MINPP1: variants seen among roughly 807,000 people sequenced by gnomAD.
The protein encoded by MINPP1 is multiple inositol polyphosphate phosphatase 1.
Under a neutral mutation model 46.1 loss-of-function variants are expected in MINPP1, and 28 were observed. That is an observed-to-expected ratio of 0.61 (90% CI 0.45 to 0.83). The LOEUF (loss-of-function observed/expected upper bound fraction) is 0.83, where lower values mean the gene tolerates loss of function less well. MINPP1 is among the 40% of genes least tolerant of loss of function. The pLI, the probability that MINPP1 is intolerant of heterozygous loss-of-function variation, is 0.00. For synonymous variants in MINPP1, 268 were observed against 249.1 expected (o/e 1.08, Z -0.72); for missense variants, 603 against 610.0 (o/e 0.99, Z 0.12).
At chr10:87,540,414 C>T (rs1052881553) in intron 4 of MINPP1, among the ~76,000 whole-genome samples, 4 of 151,956 alleles carry the variant, frequency 2.6e-5, no homozygotes, top group Non-Finnish European at 5.9e-5. Context: ...CCTCCTATAC[C>T]TACATGCCTA....
At chr10:87,522,520 T>A (rs972564286) in intron 4 of MINPP1, among the ~76,000 whole-genome samples, 1 of 152,218 alleles carries the variant, frequency 6.6e-6, no homozygotes, top group Admixed American at 6.5e-5. Flanking sequence ...GGTTTCCCGG[T>A]GCATATAAAA....
At chr10:87,538,108 A>ATT (rs35833684) in intron 4 of MINPP1, among the ~76,000 whole-genome samples, 136 of 142,866 alleles carry the variant, frequency 9.5e-4, no homozygotes, top group Middle Eastern at 3.5e-3. Flanking sequence ...AGCTCTGCTA[A>ATT]TTTTTTTTTT....
intron 4 of MINPP1, among the ~76,000 whole-genome samples, chr10:87,529,872 G>T (rs1019016332): frequency 1.3e-5 from 2 of 152,132 alleles, no homozygotes; most frequent in Admixed American, 1.3e-4. Flanking sequence ...TTTTCACATA[G>T]TCCCATATTT....
intron 4 of MINPP1, among the ~76,000 whole-genome samples, chr10:87,545,862 T>C (rs368622200): frequency 6.6e-6 from 1 of 152,250 alleles, no homozygotes; most frequent in East Asian, 1.9e-4. Flanking sequence ...TATTGACATA[T>C]TCTCTTTCTT....
intron 2 of MINPP1, among the ~76,000 whole-genome samples, chr10:87,511,709 T>C (rs1172399317): frequency 1.3e-5 from 2 of 152,170 alleles, no homozygotes; most frequent in African/African-American, 2.4e-5. Flanking sequence ...TGAAGAGTTT[T>C]TTGGTGAATT....
At chr10:87,509,382 G>C (rs1417973626) in intron 2 of MINPP1, among the ~76,000 whole-genome samples, 2 of 152,196 alleles carry the variant, frequency 1.3e-5, no homozygotes, top group Non-Finnish European at 2.9e-5. Flanking sequence ...GCCTAGACTA[G>C]CATTTGAAAT....
intron 4 of MINPP1, among the ~76,000 whole-genome samples, chr10:87,548,711 A>G (rs1332264289): frequency 1.3e-5 from 2 of 152,090 alleles, no homozygotes; most frequent in African/African-American, 2.4e-5. Context: ...GCACATTTCA[A>G]TTTCTAAGCA....
intron 4 of MINPP1, among the ~76,000 whole-genome samples, chr10:87,529,347 C>G (rs61654909): frequency 3.9e-5 from 6 of 152,144 alleles, no homozygotes; most frequent in African/African-American, 1.4e-4. Context: ...TGGCTGGTAC[C>G]GGTTGTTCCT....
chr10:87,512,483 C>T (rs1172628917), intron 2 of MINPP1, among the ~76,000 whole-genome samples: 1 of 152,086 alleles, frequency 6.6e-6, no homozygotes, highest in Non-Finnish European at 1.5e-5. Flanking sequence ...AGTCTTCTCT[C>T]TCCTTTTATA....
At position 87,513,086 on chromosome 10, in the gene MINPP1, A is replaced by G. The variant is rs1409599312; in HGVS notation, c.836-38A>G. 7.3e-6 allele frequency: 11 copies of G among 1,507,034 alleles called. No homozygotes were observed. In the Admixed American group the frequency reaches 1.0e-4, roughly 14 times the overall value. 93.4% of individuals were successfully genotyped at this position (1,507,034 alleles called of 1,614,324 possible). Reference sequence around the variant, plus strand: ...TTTAGCCTTTGAAAAATTGCAGAAAATAATGACCCACAAAATTTTACCTTT... The same window carrying G: ...TTTAGCCTTTGAAAAATTGCAGAAAGTAATGACCCACAAAATTTTACCTTT... On this transcript the variant is annotated intron_variant, in intron 2 of 4. Coordinates refer to ENST00000371996, the MANE Select transcript of MINPP1 (RefSeq NM_004897.5).
At chr10:87,520,451 C>T (rs1851484042) in intron 3 of MINPP1, among the ~76,000 whole-genome samples, 1 of 152,010 alleles carries the variant, frequency 6.6e-6, no homozygotes, top group Non-Finnish European at 1.5e-5. Flanking sequence ...ATATACATTC[C>T]TTCCAACAGT....
chr10:87,505,165 G>A lies in MINPP1; in HGVS notation c.250G>A (p.Val84Ile), dbSNP rs1851221972. ...LEGTCTPVQL[V>I]ALIRHGTRYP... ...GGGGACCTGCACCCCGGTGCAGCTG[G>A]TCGCCCTCATTCGCCACGGCACCCG... The change falls in exon 1 of 5, where the codon GTC becomes ATC. Residue 84 changes from valine (V) to isoleucine (I), a missense_variant. This residue lies in a region of MINPP1 where 239 missense variants were observed against 189.4 expected (regional missense o/e 1.26). Coordinates refer to ENST00000371996, the MANE Select transcript of MINPP1 (RefSeq NM_004897.5). This position sits in a 1 kb window ranked among gnomAD's most constrained non-coding sequence, Gnocchi z 4.4. The A allele has an allele frequency of 6.2e-7, 1 of 1,610,080 alleles. No individual in the cohort carries two copies. Among genetic ancestry groups the A allele is most frequent in the South Asian group, 1.1e-5 (1 of 90,564 alleles).
Position 87,530,230 on chromosome 10 carries a change from G to A in MINPP1, c.1067+9061G>A, listed in dbSNP as rs147896214. 9.8e-3 allele frequency among the ~76,000 whole-genome samples: 1,485 copies of A among 152,204 alleles called. 20 individuals carry two copies. Among genetic ancestry groups the A allele is most frequent in the Non-Finnish European group, 0.012 (809 of 68,000 alleles). ...TCTCAACTCGTCAAAGTCATTCTCC[G>A]TCCAGCTTTGTTCCATTGCTGGTGA... is the stretch of plus-strand genomic sequence containing the variant. On this transcript the variant is annotated intron_variant, in intron 4 of 4. Transcript: ENST00000371996.
Position 87,552,064 on chromosome 10 carries a change from C to T in MINPP1, c.1068-18C>T. 5.6e-6 allele frequency: 9 copies of T among 1,597,104 alleles called. No homozygotes were observed. In the East Asian group the frequency reaches 6.7e-5, roughly 12 times the overall value. On this transcript the variant is annotated intron_variant, in intron 4 of 4. Transcript: ENST00000371996. Reference sequence around the variant, plus strand: ...CATTAATATATATACCTTATTTTCTCTTAATTTCTATTTGAAGGTCTCAGC... The same window carrying T: ...CATTAATATATATACCTTATTTTCTTTTAATTTCTATTTGAAGGTCTCAGC...
At chr10:87,550,529 CTT>C (rs1328224942) in intron 4 of MINPP1, among the ~76,000 whole-genome samples, 2 of 152,134 alleles carry the variant, frequency 1.3e-5, no homozygotes, top group Non-Finnish European at 2.9e-5. Flanking sequence ...CTAGCGTACT[CTT>C]ATATATGGAA....
chr10:87,547,636 T>C (rs906401150), intron 4 of MINPP1, among the ~76,000 whole-genome samples: 4 of 152,238 alleles, frequency 2.6e-5, no homozygotes, highest in South Asian at 2.1e-4. Context: ...TTTTAACATA[T>C]GCTATTCAAT....
chr10:87,549,637 C>A (rs1851934950), intron 4 of MINPP1, among the ~76,000 whole-genome samples: 1 of 152,206 alleles, frequency 6.6e-6, no homozygotes, highest in South Asian at 2.1e-4. Flanking sequence ...ATCGTCATAT[C>A]TTGTCCCCAG....
intron 4 of MINPP1, among the ~76,000 whole-genome samples, chr10:87,522,827 C>A (rs1469026602): frequency 6.6e-6 from 1 of 152,198 alleles, no homozygotes; most frequent in African/African-American, 2.4e-5. Context: ...CTCTGTAACA[C>A]ATGATGCCGT....
At chr10:87,526,573 G>T (rs556283824) in intron 4 of MINPP1, among the ~76,000 whole-genome samples, 8 of 152,246 alleles carry the variant, frequency 5.3e-5, no homozygotes, top group East Asian at 1.9e-4. Context: ...GTCAATTTTG[G>T]CTTTTGTTGC....
Sources: gnomAD v4.1 joint callset for allele counts (sites outside exome capture counted in the v4.1 genomes callset) on GRCh38, gnomAD v4.1.1 for gene constraint, gnomAD v4.1.1 regional missense constraint, Gnocchi (gnomAD v3.1) non-coding constraint, MANE v1.5 for transcripts, NCBI Gene and HGNC (gene_info 2026-07-23, HGNC 2026-07-21) for gene names.